The following EXOC4 variants were observed in gnomAD, a reference collection of about 807,000 sequenced individuals.
EXOC4 encodes SEC8-like 1.
In EXOC4, 71 loss-of-function variants were observed where a neutral mutation model predicts 107.2. That is an observed-to-expected ratio of 0.66 (90% CI 0.55 to 0.81). EXOC4 has a LOEUF of 0.81. EXOC4 is among the 30% of genes least tolerant of loss of function. EXOC4 has a pLI of 0.00. For missense variants in EXOC4, 1,108 were observed against 1,189.6 expected (o/e 0.93, Z 1.01); for synonymous variants, 456 against 441.2 (o/e 1.03, Z -0.42).
At chr7:134,055,840 A>G (rs1342054886) in intron 17 of EXOC4, among the ~76,000 whole-genome samples, 5 of 152,226 alleles carry the variant, frequency 3.3e-5, no homozygotes, top group African/African-American at 1.2e-4. Flanking sequence ...TTAAAAATAA[A>G]TAAATAAATA....
intron 10 of EXOC4, among the ~76,000 whole-genome samples, chr7:133,728,655 T>G (rs1202992874): frequency 6.6e-6 from 1 of 152,196 alleles, no homozygotes; most frequent in Non-Finnish European, 1.5e-5. Flanking sequence ...GTAAAATTCA[T>G]CTATTCTGTA....
chr7:133,276,552 G>A (rs1260821603), intron 2 of EXOC4, among the ~76,000 whole-genome samples: 1 of 151,590 alleles, frequency 6.6e-6, no homozygotes. Flanking sequence ...TTTTTTTAAT[G>A]TGATATTTTG....
At chr7:134,003,601 G>C (rs1466028159) in intron 15 of EXOC4, among the ~76,000 whole-genome samples, 2 of 152,092 alleles carry the variant, frequency 1.3e-5, no homozygotes, top group Non-Finnish European at 2.9e-5. Context: ...ATAGACCCTG[G>C]ATTATGTCAT....
chr7:133,701,992 TC>T (rs1794667545), intron 10 of EXOC4, among the ~76,000 whole-genome samples: 1 of 125,670 alleles, frequency 8.0e-6, no homozygotes, highest in African/African-American at 2.9e-5. Flanking sequence ...TTTCTTTCTT[TC>T]TTTCTTTTTT....
At chr7:133,412,213 CCTT>C (rs1445349230) in intron 7 of EXOC4, among the ~76,000 whole-genome samples, 1 of 147,350 alleles carries the variant, frequency 6.8e-6, no homozygotes, top group Non-Finnish European at 1.5e-5. Flanking sequence ...TAAATTTAAG[CCTT>C]GAAGAGTGTC....
intron 7 of EXOC4, among the ~76,000 whole-genome samples, chr7:133,415,149 G>A (rs1198499673): frequency 1.3e-5 from 2 of 151,206 alleles, no homozygotes; most frequent in African/African-American, 4.9e-5. Context: ...TCATTGTATA[G>A]ATATACCACA....
chr7:133,928,949 T>C, intron 13 of EXOC4, among the ~76,000 whole-genome samples: 1 of 116,354 alleles, frequency 8.6e-6, no homozygotes, highest in African/African-American at 3.4e-5. Flanking sequence ...TTTTTTTTTT[T>C]TGAGACGGAG....
intron 4 of EXOC4, among the ~76,000 whole-genome samples, chr7:133,309,064 G>A (rs1252383121): frequency 1.3e-5 from 2 of 152,094 alleles, no homozygotes; most frequent in Non-Finnish European, 2.9e-5. Flanking sequence ...TTCTATCTGG[G>A]ACATAGATTG....
chr7:133,894,659 C>T (rs1204094016), intron 11 of EXOC4, among the ~76,000 whole-genome samples: 1 of 84,800 alleles, frequency 1.2e-5, no homozygotes, highest in Admixed American at 8.9e-5. Flanking sequence ...ACAGGACCCT[C>T]AGCTGCAGGT....
intron 9 of EXOC4, among the ~76,000 whole-genome samples, chr7:133,564,231 A>G (rs1213366611): frequency 1.3e-5 from 2 of 152,176 alleles, no homozygotes; most frequent in East Asian, 1.9e-4. Flanking sequence ...GAAACCTTCA[A>G]TCATGGCAGA....
chr7:133,670,315 T>C (rs575457290), intron 10 of EXOC4, among the ~76,000 whole-genome samples: 1 of 152,346 alleles, frequency 6.6e-6, no homozygotes, highest in African/African-American at 2.4e-5. Flanking sequence ...ATGGAGCAAA[T>C]ACCTAGCTCA....
intron 11 of EXOC4, among the ~76,000 whole-genome samples, chr7:133,850,649 C>A (rs1365963964): frequency 6.6e-6 from 1 of 150,678 alleles, no homozygotes. Flanking sequence ...CCCACACACA[C>A]ACACACCCAT....
chr7:133,906,746 C>T (rs569594377), intron 12 of EXOC4, among the ~76,000 whole-genome samples: 63 of 152,362 alleles, frequency 4.1e-4, no homozygotes, highest in African/African-American at 1.3e-3. Flanking sequence ...CCTCCAGATC[C>T]GGCAGGGTGT....
chr7:133,493,521 A>T (rs1469208997), intron 9 of EXOC4, among the ~76,000 whole-genome samples: 1 of 152,218 alleles, frequency 6.6e-6, no homozygotes, highest in Non-Finnish European at 1.5e-5. Flanking sequence ...CGTAACCTGT[A>T]GCACCTGGCA....
At chr7:133,742,330 A>G (rs1468035654) in intron 10 of EXOC4, among the ~76,000 whole-genome samples, 1 of 152,010 alleles carries the variant, frequency 6.6e-6, no homozygotes, top group Admixed American at 6.6e-5. Flanking sequence ...TGCTTCATTT[A>G]TTTCTTCTTA....
chr7:133,594,659 A>C (rs1283573028), intron 9 of EXOC4, among the ~76,000 whole-genome samples: 2 of 151,874 alleles, frequency 1.3e-5, no homozygotes, highest in African/African-American at 4.8e-5. Context: ...ACGCCCAGCT[A>C]ATTTTTGTAT....
intron 2 of EXOC4, among the ~76,000 whole-genome samples, chr7:133,283,422 C>A (rs539848733): frequency 6.6e-6 from 1 of 152,328 alleles, no homozygotes; most frequent in South Asian, 2.1e-4. Context: ...TGTGCTTATA[C>A]CACATTTTCT....
chr7:133,363,758 G>C (rs1217812158), intron 6 of EXOC4, among the ~76,000 whole-genome samples: 1 of 152,106 alleles, frequency 6.6e-6, no homozygotes, highest in African/African-American at 2.4e-5. Context: ...CCATCATGCT[G>C]TATCAAGGCC....
intron 9 of EXOC4, among the ~76,000 whole-genome samples, chr7:133,558,749 TAAGATATCAG>T (rs1800752020): frequency 6.6e-6 from 1 of 152,142 alleles, no homozygotes; most frequent in African/African-American, 2.4e-5. Context: ...CCGATCATCT[TAAGATATCAG>T]AGTTAACACT....
Sources: allele counts gnomAD v4.1 joint callset (sites outside exome capture counted in the v4.1 genomes callset), GRCh38; gene constraint gnomAD v4.1.1; transcripts MANE v1.5; gene names NCBI Gene and HGNC (gene_info 2026-07-23, HGNC 2026-07-21).